BOK: variants seen among roughly 807,000 people sequenced by gnomAD.
The protein encoded by BOK is BCL2 family apoptosis regulator BOK.
BOK carries 20 observed loss-of-function variants against 18.3 expected under a neutral mutation model. The ratio of observed to expected loss-of-function variants is 1.09; its 90% CI spans 0.77 to 1.59. The LOEUF is 1.59. Ranked by LOEUF, BOK falls within the 40% of genes most tolerant of loss-of-function variation. BOK has a pLI of 0.00. For synonymous variants in BOK, 173 were observed against 142.4 expected (o/e 1.21, Z -1.53); for missense variants, 348 against 307.9 (o/e 1.13, Z -0.97).
intron 3 of BOK, among the ~76,000 whole-genome samples, chr2:241,569,298 A>AT (rs1412206207): frequency 3.0e-5 from 4 of 133,336 alleles, no homozygotes; most frequent in Non-Finnish European, 4.7e-5. Context: ...CGCCTGGCTA[A>AT]TTTTTTGTGT....
intron 3 of BOK, among the ~76,000 whole-genome samples, chr2:241,569,016 G>T (rs938940887): frequency 3.3e-5 from 5 of 152,102 alleles, no homozygotes; most frequent in Non-Finnish European, 7.3e-5. Context: ...ATCACTGCTG[G>T]GCTGCATGTT....
chr2:241,561,228 C>T (rs1459012065), intron 2 of BOK, among the ~76,000 whole-genome samples: 1 of 152,262 alleles, frequency 6.6e-6, no homozygotes, highest in East Asian at 1.9e-4. Context: ...CTCCCAATCC[C>T]AGGGCCCTGT....
chr2:241,552,946 G>A (rs1048480852), intron 1 of BOK, among the ~76,000 whole-genome samples: 12 of 152,178 alleles, frequency 7.9e-5, no homozygotes, highest in Non-Finnish European at 1.8e-4. Context: ...CGGGCGGCTC[G>A]CCACACAACC....
In BOK at chr2:241,570,243, C is replaced by G; in HGVS notation, c.468C>G (p.Phe156Leu). The change falls in exon 4 of 5, where the codon TTC becomes TTG. Residue 156 changes from phenylalanine (F) to leucine (L), a missense_variant. Phe to Leu is a conservative substitution (Grantham distance 22). Coordinates refer to ENST00000318407, the MANE Select transcript of BOK (RefSeq NM_032515.5). ...VHALVDCLGE[F>L]VRKTLATWLR... ...CCCTCGTGGACTGCCTGGGGGAGTT[C>G]GTGCGCAAGACCCTGGCAACCTGGC... 1 of 1,589,872 alleles carries G rather than the reference C, an allele frequency of 6.3e-7. No homozygotes were observed.
chr2:241,551,729 G>T (rs532502386), intron 1 of BOK, among the ~76,000 whole-genome samples: 7 of 152,178 alleles, frequency 4.6e-5, no homozygotes, highest in African/African-American at 7.2e-5. Context: ...GACCTCAGGG[G>T]GGTCCCTCCG....
upstream of BOK, among the ~76,000 whole-genome samples, chr2:241,556,082 T>C (rs1030492674): frequency 2.0e-5 from 3 of 152,212 alleles, no homozygotes; most frequent in African/African-American, 7.2e-5. Flanking sequence ...GCGAGATCTT[T>C]TCCCTCTCTG....
At chr2:241,560,007 T>C (rs1216646967) in intron 2 of BOK, 9 of 917,678 alleles carry the variant, frequency 9.8e-6, no homozygotes, top group Non-Finnish European at 1.2e-5. Flanking sequence ...GTGACCCTTG[T>C]TCTCAGCTGG....
At chr2:241,556,749 A>C (rs1212437403), upstream of BOK, among the ~76,000 whole-genome samples, 4 of 152,104 alleles carry the variant, frequency 2.6e-5, no homozygotes, top group Non-Finnish European at 2.9e-5. Flanking sequence ...AATTACATTG[A>C]CCTCATAAAA....
At chr2:241,564,809 C>G (rs1253279676) in intron 3 of BOK, among the ~76,000 whole-genome samples, 1 of 152,208 alleles carries the variant, frequency 6.6e-6, no homozygotes, top group African/African-American at 2.4e-5. Context: ...TGTCTCGGGG[C>G]CGCTGGGTTT....
intron 1 of BOK, among the ~76,000 whole-genome samples, chr2:241,552,667 C>T (rs189788805): frequency 1.8e-3 from 277 of 152,330 alleles, no homozygotes; most frequent in Non-Finnish European, 2.9e-3. Flanking sequence ...GCAATGCCAG[C>T]GCGTTCAGAA....
Position 241,562,280 on chromosome 2 carries a change from C to A in BOK, c.221-68C>A. 1.3e-6 allele frequency: 2 copies of A among 1,531,666 alleles called. No individual in the cohort carries two copies. Among genetic ancestry groups the A allele is most frequent in the Non-Finnish European group, 1.8e-6 (2 of 1,140,498 alleles). The allele number at this position is 1,531,666 out of a possible 1,614,324, so 94.9% of individuals were successfully genotyped here. On this transcript the variant is annotated intron_variant, in intron 2 of 4. Transcript: ENST00000318407. The surrounding 1 kb of genome is among the most constrained non-coding windows in gnomAD (Gnocchi z 4.5). ...GGTGGGGGTCAGGTGCAGGGTGTGCCCCAAGCCAGTCGTGTCCCAGGAAGC... is the reference window on the plus strand; with the variant it reads ...GGTGGGGGTCAGGTGCAGGGTGTGCACCAAGCCAGTCGTGTCCCAGGAAGC...
intron 3 of BOK, among the ~76,000 whole-genome samples, chr2:241,564,128 T>C (rs12469165): frequency 0.73 from 111,439 of 152,226 alleles, 41,492 homozygotes; most frequent in African/African-American, 0.86. Context: ...GTGGCTGGGA[T>C]GCAGCGGCGA....
chr2:241,555,184 G>A (rs1336456870), upstream of BOK, among the ~76,000 whole-genome samples: 1 of 152,124 alleles, frequency 6.6e-6, no homozygotes, highest in Non-Finnish European at 1.5e-5. Context: ...CTCCTCATCT[G>A]CTCTCTTTTT....
At chr2:241,553,275 G>C (rs760504845) in intron 1 of BOK, among the ~76,000 whole-genome samples, 2 of 152,070 alleles carry the variant, frequency 1.3e-5, no homozygotes, top group Admixed American at 6.5e-5. Context: ...CTCAGCCTCC[G>C]GAGCAGCTGG....
At chr2:241,565,338 T>C (rs975477520) in intron 3 of BOK, among the ~76,000 whole-genome samples, 3 of 150,670 alleles carry the variant, frequency 2.0e-5, no homozygotes, top group Non-Finnish European at 4.4e-5. Flanking sequence ...CTGCAACGGG[T>C]TTCTGAACCT....
intron 3 of BOK, among the ~76,000 whole-genome samples, chr2:241,563,931 G>T (rs1198615872): frequency 6.6e-6 from 1 of 152,220 alleles, no homozygotes; most frequent in African/African-American, 2.4e-5. Flanking sequence ...ACCTTTGTGG[G>T]GTGTCCTCCA....
At chr2:241,563,220 C>A (rs2066558865) in intron 3 of BOK, among the ~76,000 whole-genome samples, 1 of 152,190 alleles carries the variant, frequency 6.6e-6, no homozygotes. Context: ...GGCTTGTCTC[C>A]CCTACTCGGT....
intron 4 of BOK, among the ~76,000 whole-genome samples, chr2:241,571,929 C>T (rs1341588407): frequency 1.3e-5 from 2 of 152,220 alleles, no homozygotes; most frequent in Non-Finnish European, 2.9e-5. Context: ...ACCTGTAGCC[C>T]CTGGGGGGCA....
At chr2:241,557,050 C>G (rs886589983), upstream of BOK, among the ~76,000 whole-genome samples, 1 of 152,106 alleles carries the variant, frequency 6.6e-6, no homozygotes, top group African/African-American at 2.4e-5. Flanking sequence ...CTTGTAGTAT[C>G]TACAGTGATG....
Sources: allele counts gnomAD v4.1 joint callset (sites outside exome capture counted in the v4.1 genomes callset), GRCh38; gene constraint gnomAD v4.1.1; non-coding constraint Gnocchi (gnomAD v3.1); transcripts MANE v1.5; gene names NCBI Gene and HGNC (gene_info 2026-07-23, HGNC 2026-07-21).